The following TRIM4 variants were observed in gnomAD, a reference collection of about 807,000 sequenced individuals.
The protein encoded by TRIM4 is tripartite motif containing 4, also known as E3 ubiquitin-protein ligase TRIM4.
A neutral mutation model predicts 33.7 loss-of-function variants in TRIM4; 29 were observed. That is an observed-to-expected ratio of 0.86 (90% confidence interval 0.64 to 1.17). TRIM4 has a LOEUF of 1.17. Ranked by LOEUF, TRIM4 falls within the 50% of genes most tolerant of loss-of-function variation. The probability of loss-of-function intolerance (pLI) is 0.00; values close to 1 mark genes in which losing one functional copy is unlikely to be tolerated. For synonymous variants in TRIM4, 224 were observed against 233.0 expected, an observed-to-expected ratio of 0.96 and a Z score of 0.35; for missense variants, 554 against 593.7, an observed-to-expected ratio of 0.93 and a Z score of 0.69.
In TRIM4 at chr7:99,908,567, T is replaced by C. The variant is rs1182917113; in HGVS notation, c.720+15A>G. On this transcript the variant is annotated intron_variant, in intron 3 of 5. Transcript: ENST00000349062. Reference sequence around the variant, plus strand: ...TTAGTGAAGATGAGATCACCCCCACTCGTAACTGTCTCACCTGAAGCAGCT... The same window carrying C: ...TTAGTGAAGATGAGATCACCCCCACCCGTAACTGTCTCACCTGAAGCAGCT... 1 of 1,594,216 alleles carries C rather than the reference T, an allele frequency of 6.3e-7. No individual in the cohort carries two copies. The highest frequency in any genetic ancestry group is 8.6e-7 in the Non-Finnish European group (1 of 1,167,730).
rs776042163 is a variant in TRIM4 at position 99,908,712 on chromosome 7, T to C, written c.590A>G (p.Lys197Arg). Residue 197 changes from lysine (K) to arginine (R), a missense_variant, in exon 3 of 6, where the codon AAA becomes AGA. Physicochemically the swap from Lys to Arg is conservative, Grantham distance 26 (BLOSUM62 2). Coordinates refer to ENST00000349062, the MANE Select transcript of TRIM4 (RefSeq NM_033091.3). ...EEDLFLQRLN[K>R]EEEETKKKLN... ...CTTCTTCTTCGTCTCTTCTTCTTCT[T>C]TGTTCAATCTCTGAAGAAACAGGTC... 6.2e-7 allele frequency: 1 copy of C among 1,614,222 alleles called. No homozygotes were observed. The highest frequency in any genetic ancestry group is 1.3e-5 in the African/African-American group (1 of 75,060).
intron 5 of TRIM4, among the ~76,000 whole-genome samples, chr7:99,900,515 TTTA>T (rs1819137241): frequency 6.6e-6 from 1 of 152,156 alleles, no homozygotes; most frequent in African/African-American, 2.4e-5. Flanking sequence ...ATAATATATA[TTTA>T]TTCGTGTCAT....
At chr7:99,912,530 T>TCA (rs879501999) in intron 1 of TRIM4, among the ~76,000 whole-genome samples, 3 of 94,670 alleles carry the variant, frequency 3.2e-5, no homozygotes, top group Non-Finnish European at 4.1e-5. Context: ...ACTCTACATA[T>TCA]TAAAAAAAAA....
intron 5 of TRIM4, among the ~76,000 whole-genome samples, chr7:99,902,360 G>A (rs564523164): frequency 1.6e-4 from 24 of 152,180 alleles, no homozygotes; most frequent in African/African-American, 5.5e-4. Context: ...CGATTCTCCT[G>A]CCTCAGCCTC....
rs763306675 is a variant in TRIM4, at chr7:99,919,275, C to G, written c.127G>C (p.Gly43Arg). ...TCGGGGCAGGGGAACGGGCCGCCGC[C>G]CGGCGCCCAGTTGCGGTGCAGGCAG... The part of the protein sequence containing the change: ...RGCLHRNWAP[G>R]GGPFPCPECR... Residue 43 changes from glycine to arginine, a missense_variant, in exon 1 of 6, where the codon GGC (glycine) becomes CGC (arginine). Around this residue, in one of 3 missense-constraint regions of TRIM4, gnomAD observed 233 missense variants for 203.1 expected, o/e 1.15. Coordinates refer to ENST00000349062, the MANE Select transcript of TRIM4 (RefSeq NM_033091.3). 3.2e-6 allele frequency: 5 copies of G among 1,547,164 alleles called. No individual in the cohort carries two copies. The African/African-American group carries it at 7.0e-5, about 22-fold the overall frequency.
At chr7:99,899,759 T>G (rs949702760) in intron 5 of TRIM4, among the ~76,000 whole-genome samples, 4 of 152,106 alleles carry the variant, frequency 2.6e-5, no homozygotes, top group South Asian at 2.1e-4. Context: ...TGGGTGGGTG[T>G]GTGTGCGCAC....
At chr7:99,918,002 T>A (rs1000372733) in intron 1 of TRIM4, 1 of 222,846 alleles carries the variant, frequency 4.5e-6, no homozygotes, top group Admixed American at 6.5e-5. Flanking sequence ...TCTTAACCCA[T>A]GAGATAGGAC....
At chr7:99,896,097 CTTAT>C (rs886430219) in intron 5 of TRIM4, among the ~76,000 whole-genome samples, 4 of 151,966 alleles carry the variant, frequency 2.6e-5, no homozygotes, top group Admixed American at 1.3e-4. Context: ...CTTTTTCTGC[CTTAT>C]TTTTTATTAA....
At chr7:99,909,789 G>T in intron 1 of TRIM4, 129 bp from the exon 2 acceptor site, 1 of 733,286 alleles carries the variant, frequency 1.4e-6, no homozygotes, top group Non-Finnish European at 2.2e-6. Context: ...TTAGACTGCA[G>T]CGGCCTGATC....
In TRIM4 at chr7:99,911,844, C is replaced by T. The variant is rs956105615; in HGVS notation, c.394-2184G>A. On this transcript the variant is annotated intron_variant, in intron 1 of 5. Coordinates refer to ENST00000349062, the MANE Select transcript of TRIM4 (RefSeq NM_033091.3). ...AATAGACCTGTACAAGAATATTCATCGCAGCTTTATTCACAATAGCTAGAA... is the reference window on the plus strand; with the variant it reads ...AATAGACCTGTACAAGAATATTCATTGCAGCTTTATTCACAATAGCTAGAA... Among the ~76,000 whole-genome samples the T allele has an allele frequency of 7.2e-5, 11 of 152,196 alleles. No homozygotes were observed. The East Asian group carries it at 9.6e-4, about 13-fold the overall frequency.
Position 99,892,697 on chromosome 7 carries a change from G to A in TRIM4, c.891C>T (p.Ser297=). The A allele has an allele frequency of 6.2e-7, 1 of 1,613,986 alleles. No homozygotes were observed. The highest frequency in any genetic ancestry group is 8.5e-7 in the Non-Finnish European group (1 of 1,180,020). Residue 297 remains serine, a synonymous_variant, in exon 6 of 6, where the codon TCC becomes TCT. Transcript: ENST00000349062. Reference sequence around the variant, plus strand: ...TATTTTTCACGTATCTCCCTTCCTGGGAGAAGACGAGTTTGGGATGAGCTG... The same window carrying A: ...TATTTTTCACGTATCTCCCTTCCTGAGAGAAGACGAGTTTGGGATGAGCTG... The part of the protein sequence containing the change: ...EDTAHPKLVF[S]QEGRYVKNTA...
chr7:99,903,130 T>C, intron 5 of TRIM4, 88 bp downstream of exon 5: 1 of 961,128 alleles, frequency 1.0e-6, no homozygotes, highest in Non-Finnish European at 1.6e-6. Context: ...AGCTGCATGC[T>C]GTTTCCTCTT....
intron 5 of TRIM4, among the ~76,000 whole-genome samples, chr7:99,899,991 G>A (rs796959237): frequency 6.6e-5 from 10 of 152,276 alleles, no homozygotes; most frequent in African/African-American, 2.4e-4. Context: ...TCACTATGTT[G>A]CCCAGGCTGG....
chr7:99,908,479 A>T (rs1819359208), intron 3 of TRIM4, 103 bp downstream of exon 3: 1 of 881,486 alleles, frequency 1.1e-6, no homozygotes, highest in Non-Finnish European at 1.8e-6. Context: ...AAGAGATAAG[A>T]CATGTCTATG....
At chr7:99,918,964 GCAACA>G in intron 1 of TRIM4, 40 bp downstream of exon 1, 2 of 1,552,010 alleles carry the variant, frequency 1.3e-6, no homozygotes, top group East Asian at 5.0e-5. Flanking sequence ...ACTTTATCGG[GCAACA>G]CTGACAGCCC....
chr7:99,916,619 C>A, intron 1 of TRIM4: 1 of 739,806 alleles, frequency 1.4e-6, no homozygotes, highest in South Asian at 1.5e-5. Context: ...AATTGATCAC[C>A]AAGTCATTCA....
chr7:99,893,374 G>A (rs1212135816), intron 5 of TRIM4, among the ~76,000 whole-genome samples: 3 of 147,700 alleles, frequency 2.0e-5, no homozygotes, highest in African/African-American at 7.6e-5. Context: ...TTCTCACGTT[G>A]AATCAAAACT....
intron 1 of TRIM4, chr7:99,916,747 C>T (rs776473848): frequency 1.3e-6 from 1 of 781,062 alleles, no homozygotes; most frequent in South Asian, 1.3e-5. Context: ...GTCTTCTCTT[C>T]CATTCATCCA....
intron 5 of TRIM4, among the ~76,000 whole-genome samples, chr7:99,898,224 C>T (rs1192387902): frequency 6.6e-6 from 1 of 152,144 alleles, no homozygotes; most frequent in African/African-American, 2.4e-5. Flanking sequence ...TTAGTGCTAC[C>T]CCAGCTGTGG....
Sources: gnomAD v4.1 joint callset for allele counts (sites outside exome capture counted in the v4.1 genomes callset) on GRCh38, gnomAD v4.1.1 for gene constraint, gnomAD v4.1.1 regional missense constraint, MANE v1.5 for transcripts, NCBI Gene and HGNC (gene_info 2026-07-23, HGNC 2026-07-21) for gene names.